ADAM17: variants seen among roughly 807,000 people sequenced by gnomAD.
ADAM17 encodes the protein disintegrin and metalloproteinase domain-containing protein 17.
ADAM17 carries 39 observed loss-of-function variants against 96.7 expected under a neutral mutation model. That is an observed-to-expected ratio of 0.40 (90% CI 0.31 to 0.53). ADAM17 has a LOEUF of 0.53. Among genes scored for constraint, ADAM17 ranks in the 20% least tolerant of loss-of-function variants. The pLI, the probability that ADAM17 is intolerant of heterozygous loss-of-function variation, is 0.44. For synonymous variants in ADAM17, 344 were observed against 359.2 expected (o/e 0.96, Z 0.48); for missense variants, 777 against 1,013.2 (o/e 0.77, Z 3.17).
chr2:9,509,824 C>T (rs1301312864), intron 11 of ADAM17, among the ~76,000 whole-genome samples, 155 bp downstream of exon 11: 1 of 152,074 alleles, frequency 6.6e-6, no homozygotes, highest in African/African-American at 2.4e-5. Flanking sequence ...CGTGCTTCAC[C>T]CCAAAACACA....
intron 4 of ADAM17, among the ~76,000 whole-genome samples, chr2:9,528,244 A>G (rs1271771283): frequency 1.3e-5 from 2 of 152,226 alleles, no homozygotes; most frequent in Non-Finnish European, 2.9e-5. Context: ...AGAAAAATGC[A>G]TATCATTTTC....
At chr2:9,499,770 C>T (rs1216348039) in intron 13 of ADAM17, among the ~76,000 whole-genome samples, 3 of 152,140 alleles carry the variant, frequency 2.0e-5, no homozygotes, top group African/African-American at 4.8e-5. Flanking sequence ...ACATGGGCAA[C>T]ATGTCATACT....
At chr2:9,543,019 G>T in intron 2 of ADAM17, 134 bp downstream of exon 2, 1 of 1,182,724 alleles carries the variant, frequency 8.5e-7, no homozygotes, top group Non-Finnish European at 1.1e-6. Flanking sequence ...TTTAGAATAA[G>T]CATTATACTG....
At position 9,551,511 on chromosome 2, in the gene ADAM17, G is replaced by A. The variant is rs550588605; in HGVS notation, c.97+3998C>T. Among the ~76,000 whole-genome samples the A allele has an allele frequency of 6.6e-5, 10 of 152,274 alleles. No individual in the cohort carries two copies. The South Asian group carries it at 2.1e-3, about 32-fold the overall frequency. ...GTCTTGCTCTGTCGCCCAGGCTGGA[G>A]TGCAGTGGCGCGATCTCGGCTCACT... is the stretch of plus-strand genomic sequence containing the variant. On this transcript the variant is annotated intron_variant, in intron 1 of 18. Transcript: ENST00000310823.
intron 8 of ADAM17, among the ~76,000 whole-genome samples, chr2:9,519,998 T>C (rs1446320302): frequency 1.3e-5 from 2 of 152,206 alleles, no homozygotes; most frequent in South Asian, 2.1e-4. Context: ...TTAGACAAGG[T>C]ATGAATGAGT....
intron 7 of ADAM17, among the ~76,000 whole-genome samples, chr2:9,523,048 C>A (rs927333024): frequency 1.3e-5 from 2 of 152,070 alleles, no homozygotes; most frequent in Admixed American, 1.3e-4. Context: ...CTACCTAAAG[C>A]GAGACTAAGG....
At chr2:9,494,160 C>A (rs1662377183) in intron 15 of ADAM17, among the ~76,000 whole-genome samples, 1 of 152,156 alleles carries the variant, frequency 6.6e-6, no homozygotes. Context: ...CCCTGTGAAG[C>A]CTCGTAAATC....
At chr2:9,542,132 G>A (rs1278822066) in intron 2 of ADAM17, among the ~76,000 whole-genome samples, 1 of 152,194 alleles carries the variant, frequency 6.6e-6, no homozygotes, top group Non-Finnish European at 1.5e-5. Flanking sequence ...AAAGAGGCCT[G>A]CAATTATTTA....
chr2:9,497,063 G>T, intron 14 of ADAM17, 51 bp downstream of exon 14: 11 of 1,594,202 alleles, frequency 6.9e-6, no homozygotes, highest in South Asian at 1.1e-5. Context: ...GAGCCTGGCA[G>T]ACAAAGGCCA....
chr2:9,555,672 G>T lies in ADAM17; in HGVS notation c.-67C>A. 1 of 1,347,002 alleles carries T rather than the reference G, an allele frequency of 7.4e-7. No individual in the cohort carries two copies. The highest frequency in any genetic ancestry group is 1.0e-6 in the Non-Finnish European group (1 of 991,080). 83.4% of individuals were successfully genotyped at this position (1,347,002 alleles called of 1,614,324 possible). A position where few individuals can be genotyped will look rare whatever the true frequency, so the allele number is the denominator to read the frequency against. ...TCGCCTGACGGGGTTTCGGAAAACTGCTCACATCGGGGGAGGACGGGATCC... is the reference window on the plus strand; with the variant it reads ...TCGCCTGACGGGGTTTCGGAAAACTTCTCACATCGGGGGAGGACGGGATCC... On this transcript the variant is annotated 5_prime_UTR_variant, in exon 1 of 19. Coordinates refer to ENST00000310823, the MANE Select transcript of ADAM17 (RefSeq NM_003183.6).
intron 17 of ADAM17, among the ~76,000 whole-genome samples, chr2:9,492,686 ACAC>A (rs1302285697): frequency 6.6e-6 from 1 of 152,212 alleles, no homozygotes; most frequent in African/African-American, 2.4e-5. Context: ...ATATATTAAA[ACAC>A]CAACACACAA....
chr2:9,518,693 T>C (rs185622910), intron 8 of ADAM17, among the ~76,000 whole-genome samples: 15 of 152,280 alleles, frequency 9.9e-5, no homozygotes, highest in East Asian at 3.9e-4. Context: ...TCATAATATA[T>C]TGTCATTTAT....
intron 10 of ADAM17, among the ~76,000 whole-genome samples, chr2:9,511,655 T>C (rs995846075): frequency 1.3e-4 from 20 of 152,142 alleles, no homozygotes; most frequent in African/African-American, 4.3e-4. Context: ...AAATTTTTTT[T>C]CCATATTTAT....
chr2:9,514,362 TG>T (rs1217266519), intron 10 of ADAM17, among the ~76,000 whole-genome samples: 9 of 36,882 alleles, frequency 2.4e-4, no homozygotes, highest in African/African-American at 8.1e-4. Flanking sequence ...TGTCGTGGGG[TG>T]GGGGGAGGGG....
intron 11 of ADAM17, among the ~76,000 whole-genome samples, chr2:9,509,633 T>C (rs551040416): frequency 6.6e-6 from 1 of 152,136 alleles, no homozygotes; most frequent in Admixed American, 6.5e-5. Context: ...AGAGTTAAAA[T>C]GAATGACAAC....
chr2:9,518,304 A>T, intron 8 of ADAM17, 57 bp from the exon 9 acceptor site: 3 of 1,466,890 alleles, frequency 2.0e-6, no homozygotes, highest in Non-Finnish European at 2.7e-6. Context: ...TAACAATTAC[A>T]TCAGACTAAA....
At chr2:9,496,095 G>A (rs1013530217) in intron 14 of ADAM17, among the ~76,000 whole-genome samples, 15 of 151,534 alleles carry the variant, frequency 9.9e-5, no homozygotes, top group South Asian at 2.1e-4. Flanking sequence ...TTTAACTACC[G>A]GGTTCTTTGT....
At chr2:9,508,624 A>T (rs1663551218) in intron 11 of ADAM17, among the ~76,000 whole-genome samples, 1 of 152,186 alleles carries the variant, frequency 6.6e-6, no homozygotes, top group African/African-American at 2.4e-5. Context: ...ATTATTAAAA[A>T]TTTAAATAAA....
At chr2:9,492,426 A>T (rs1302405378) in intron 17 of ADAM17, among the ~76,000 whole-genome samples, 1 of 152,154 alleles carries the variant, frequency 6.6e-6, no homozygotes, top group East Asian at 1.9e-4. Flanking sequence ...AGATGTAAAT[A>T]CTCTATATGA....
Sources: allele counts gnomAD v4.1 joint callset (sites outside exome capture counted in the v4.1 genomes callset), GRCh38; gene constraint gnomAD v4.1.1; transcripts MANE v1.5; gene names NCBI Gene and HGNC (gene_info 2026-07-23, HGNC 2026-07-21).